PGAP6: variants seen among roughly 807,000 people sequenced by gnomAD.
PGAP6 encodes post-GPI attachment to proteins 6.
In PGAP6, 62 loss-of-function variants were observed where a neutral mutation model predicts 68.4. The ratio of observed to expected loss-of-function variants is 0.91; its 90% CI spans 0.74 to 1.12. The LOEUF is 1.12. Ranked by LOEUF, PGAP6 falls within the 50% of genes most tolerant of loss-of-function variation. The pLI is 0.00. For missense variants in PGAP6, 1,188 were observed against 1,068.5 expected (o/e 1.11, Z -1.56); for synonymous variants, 575 against 474.0 (o/e 1.21, Z -2.77).
Position 381,867 on chromosome 16 carries a change from C to G in PGAP6, c.-46G>C. 1.0e-6 allele frequency: 1 copy of G among 979,536 alleles called. No homozygotes were observed. Among genetic ancestry groups the G allele is most frequent in the African/African-American group, 1.8e-5 (1 of 56,696 alleles). The allele number at this position is 979,536 out of a possible 1,614,324, so 60.7% of individuals were successfully genotyped here. A position where few individuals can be genotyped will look rare whatever the true frequency, so the allele number is the denominator to read the frequency against. On this transcript the variant is annotated 5_prime_UTR_variant, in exon 1 of 13. Coordinates refer to ENST00000431232, the MANE Select transcript of PGAP6 (RefSeq NM_021259.3). Reference sequence around the variant, plus strand: ...GCTACCCGGCCCGCGTCCCGCGCCGCCGGCCCCCGCCGCCGCCCGGGCAGC... The same window carrying G: ...GCTACCCGGCCCGCGTCCCGCGCCGGCGGCCCCCGCCGCCGCCCGGGCAGC...
At position 371,374 on chromosome 16, in the gene PGAP6, G is replaced by C. The variant is rs530016242; in HGVS notation, c.*613C>G. Reference sequence around the variant, plus strand: ...AAGGAAGCTCTTCTCAGGGACCCAAGGCTCCAGAGCCAGGAAAAAGGGAGG... The same window carrying C: ...AAGGAAGCTCTTCTCAGGGACCCAACGCTCCAGAGCCAGGAAAAAGGGAGG... On this transcript the variant is annotated 3_prime_UTR_variant, in exon 13 of 13. Coordinates refer to ENST00000431232, the MANE Select transcript of PGAP6 (RefSeq NM_021259.3). 1.3e-5 allele frequency: 2 copies of C among 153,218 alleles called. No homozygotes were observed. The highest frequency in any genetic ancestry group is 2.0e-4 in the South Asian group (1 of 4,896). The allele number at this position is 153,218 out of a possible 1,614,324, so 9.5% of individuals were successfully genotyped here.
chr16:377,480 G>T lies in PGAP6; in HGVS notation c.405C>A (p.Thr135=). ...PSFQVGVPLS[T]TPRSNASVNV... Reference sequence around the variant, plus strand: ...TGACGGAGGCATTGCTTCTCGGTGTGGTGCTCAGCGGCACCCCGACCTGGA... The same window carrying T: ...TGACGGAGGCATTGCTTCTCGGTGTTGTGCTCAGCGGCACCCCGACCTGGA... Residue 135 remains threonine (T), a synonymous_variant, in exon 3 of 13, where the codon ACC becomes ACA. Transcript: ENST00000431232. 1 of 1,608,538 alleles carries T rather than the reference G, an allele frequency of 6.2e-7. No homozygotes were observed. The highest frequency in any genetic ancestry group is 8.5e-7 in the Non-Finnish European group (1 of 1,178,180).
At position 372,744 on chromosome 16, in the gene PGAP6, G is replaced by C. The variant is rs371568475; in HGVS notation, c.1903-17C>G. 2.5e-6 allele frequency: 4 copies of C among 1,582,926 alleles called. No individual in the cohort carries two copies. In the East Asian group the frequency reaches 6.7e-5, roughly 27 times the overall value. On this transcript the variant is annotated splice_polypyrimidine_tract_variant and intron_variant, in intron 11 of 12. Transcript: ENST00000431232. ...AAACAGCACCTGCGCAAGACACAGG[G>C]ATGACTGCAGGGACGTCTCTGAGGG...
In PGAP6 at chr16:374,215, G is replaced by C. The variant is rs2054359227; in HGVS notation, c.1755+6C>G. The C allele has an allele frequency of 6.2e-7, 1 of 1,610,086 alleles. No homozygotes were observed. Among genetic ancestry groups the C allele is most frequent in the Non-Finnish European group, 8.5e-7 (1 of 1,179,630 alleles). On this transcript the variant is annotated splice_donor_region_variant and intron_variant, in intron 10 of 12. Transcript: ENST00000431232. Reference sequence around the variant, plus strand: ...CCCCACATCCCTGCAGGAGGGGCCAGCCTACCGTGGAGAAGAACATGGTGT... The same window carrying C: ...CCCCACATCCCTGCAGGAGGGGCCACCCTACCGTGGAGAAGAACATGGTGT...
At chr16:380,154 C>T (rs1270946095) in intron 1 of PGAP6, among the ~76,000 whole-genome samples, 1 of 152,184 alleles carries the variant, frequency 6.6e-6, no homozygotes, top group African/African-American at 2.4e-5. Context: ...GTTCCATCTC[C>T]CAGGAACCCC....
At chr16:374,729 C>G (rs375071021) in intron 9 of PGAP6, 27 bp downstream of exon 9, 1 of 1,611,080 alleles carries the variant, frequency 6.2e-7, no homozygotes, top group East Asian at 2.2e-5. Context: ...AGCAGCGTCT[C>G]GGGGCGGGCG....
chr16:381,872 C>G lies in PGAP6; in HGVS notation c.-51G>C, dbSNP rs2054442538. 1.0e-6 allele frequency: 1 copy of G among 976,870 alleles called. No homozygotes were observed. Among genetic ancestry groups the G allele is most frequent in the African/African-American group, 1.8e-5 (1 of 56,498 alleles). 60.5% of individuals were successfully genotyped at this position (976,870 alleles called of 1,614,324 possible). A position where few individuals can be genotyped will look rare whatever the true frequency, so the allele number is the denominator to read the frequency against. ...CCGGCCCGCGTCCCGCGCCGCCGGCCCCCGCCGCCGCCCGGGCAGCCTCTG... is the reference window on the plus strand; with the variant it reads ...CCGGCCCGCGTCCCGCGCCGCCGGCGCCCGCCGCCGCCCGGGCAGCCTCTG... On this transcript the variant is annotated 5_prime_UTR_variant, in exon 1 of 13. Transcript: ENST00000431232.
chr16:373,727 C>T (rs558528312), intron 11 of PGAP6, among the ~76,000 whole-genome samples: 150 of 152,334 alleles, frequency 9.8e-4, no homozygotes, highest in African/African-American at 3.5e-3. Flanking sequence ...TTTTGTACAG[C>T]CCAGGCTGCT....
At chr16:383,532 G>A (rs973768458), upstream of PGAP6, 1 of 149,642 alleles carries the variant, frequency 6.7e-6, no homozygotes, top group Non-Finnish European at 1.5e-5. Context: ...ATTCATACGG[G>A]GTCTAAACGA....
Position 374,882 on chromosome 16 carries a change from G to A in PGAP6, c.1450C>T (p.Gln484Ter), listed in dbSNP as rs2054367411. ...MCPENAEDCE[Q>*]AVVHVETTLY... ...GTGGTCTCCACGTGGACCACAGCCT[G>A]CTCACAGTCCCTTTGAGGAAGGGGC... Residue 484 changes from glutamine to a stop codon, truncating the protein, a stop_gained, in exon 9 of 13, where the codon CAG becomes TAG. Transcript: ENST00000431232. LOFTEE classifies it high-confidence loss of function. 6.2e-7 allele frequency: 1 copy of A among 1,612,748 alleles called. No individual in the cohort carries two copies. The highest frequency in any genetic ancestry group is 8.5e-7 in the Non-Finnish European group (1 of 1,179,956).
chr16:379,381 C>A (rs568778505), intron 1 of PGAP6, among the ~76,000 whole-genome samples: 1 of 152,242 alleles, frequency 6.6e-6, no homozygotes, highest in Admixed American at 6.5e-5. Flanking sequence ...GGGAACCTGG[C>A]GTGGCGACTG....
At position 376,640 on chromosome 16, in the gene PGAP6, G is replaced by A. The variant is rs748569090; in HGVS notation, c.808C>T (p.Pro270Ser). The A allele has an allele frequency of 6.8e-6, 11 of 1,606,676 alleles. No individual in the cohort carries two copies. The highest frequency in any genetic ancestry group is 8.5e-6 in the Non-Finnish European group (10 of 1,176,952). Residue 270 changes from proline to serine, a missense_variant, in exon 5 of 13, where the codon CCC (proline) becomes TCC (serine). Transcript: ENST00000431232. Reference sequence around the variant, plus strand: ...AGCCACCGGTCCCAGGGCGGTGAGGGCAGCAGCAGGCGGCAGGGCCAGGGG... The same window carrying A: ...AGCCACCGGTCCCAGGGCGGTGAGGACAGCAGCAGGCGGCAGGGCCAGGGG... ...GAPWPCRLLLPSPPWDRWLQV... is the reference protein window; with the variant it reads ...GAPWPCRLLLSSPPWDRWLQV...
rs919087989 is a variant in PGAP6, at chr16:374,317, G to A, written c.1659C>T (p.Leu553=). 8.7e-6 allele frequency: 14 copies of A among 1,605,436 alleles called. No homozygotes were observed. The highest frequency in any genetic ancestry group is 5.3e-5 in the African/African-American group (4 of 74,908). Residue 553 remains leucine (L), a synonymous_variant, in exon 10 of 13, where the codon CTC becomes CTT. Coordinates refer to ENST00000431232, the MANE Select transcript of PGAP6 (RefSeq NM_021259.3). ...QQRAATLLLT[L]SNLMFLAPIA... Reference sequence around the variant, plus strand: ...TGGGGGCCAGGAACATGAGGTTGCTGAGCGTGAGCAGCAGTGTGGCCGCCC... The same window carrying A: ...TGGGGGCCAGGAACATGAGGTTGCTAAGCGTGAGCAGCAGTGTGGCCGCCC...
chr16:385,376 G>A (rs1368255679), upstream of PGAP6, among the ~76,000 whole-genome samples: 3 of 139,216 alleles, frequency 2.2e-5, no homozygotes, highest in African/African-American at 8.3e-5. Context: ...GCAGTGATGC[G>A]ATCTCGGCTC....
rs76670391 is a variant in PGAP6 at position 376,296 on chromosome 16, G to C, written c.1064C>G (p.Pro355Arg). The C allele has an allele frequency of 2.5e-6, 4 of 1,612,498 alleles. No individual in the cohort carries two copies. In the East Asian group the frequency reaches 8.9e-5, roughly 36 times the overall value. Residue 355 changes from proline (P) to arginine (R), a missense_variant, in exon 6 of 13, where the codon CCA (proline) becomes CGA (arginine). By Grantham distance (103) the Pro-to-Arg change is moderately radical. Transcript: ENST00000431232. Reference protein sequence around the residue: ...DRSPFCLTNYPVTREDMDVVS... With the variant: ...DRSPFCLTNYRVTREDMDVVS... ...CACGTCCATGTCCTCCCGCGTGACTGGGTAGTTTGTGAGGCAGAAGGGGCT... is the reference window on the plus strand; with the variant it reads ...CACGTCCATGTCCTCCCGCGTGACTCGGTAGTTTGTGAGGCAGAAGGGGCT...
upstream of PGAP6, chr16:382,136 C>A (rs1344434450): frequency 2.7e-6 from 1 of 366,828 alleles, no homozygotes; most frequent in African/African-American, 2.2e-5. Context: ...GACCGGGGCG[C>A]GCGCGGTCCG....
chr16:385,749 C>T (rs1016652968), upstream of PGAP6, among the ~76,000 whole-genome samples: 6 of 151,102 alleles, frequency 4.0e-5, no homozygotes, highest in Admixed American at 2.0e-4. Context: ...CTCAGCCTCC[C>T]GAGTAGCTGG....
At chr16:386,937 G>T (rs1207065131), upstream of PGAP6, 1 of 584,242 alleles carries the variant, frequency 1.7e-6, no homozygotes, top group South Asian at 1.4e-5. Context: ...GAGGCGGCCT[G>T]AATATCCTTG....
In PGAP6 at chr16:376,089, C is replaced by T. The variant is rs371472226; in HGVS notation, c.1224+47G>A. 7.2e-5 allele frequency: 111 copies of T among 1,534,500 alleles called. No individual in the cohort carries two copies. In the Admixed American group the frequency reaches 1.6e-3, roughly 21 times the overall value. ...AGGAGGCGCTGCAGGGGTTGCCCGG[C>T]GCCCTGCCCGAGCCCAGGCCACAGG... On this transcript the variant is annotated intron_variant, in intron 6 of 12. Coordinates refer to ENST00000431232, the MANE Select transcript of PGAP6 (RefSeq NM_021259.3).
Sources: gnomAD v4.1 joint callset for allele counts (sites outside exome capture counted in the v4.1 genomes callset) on GRCh38, gnomAD v4.1.1 for gene constraint, MANE v1.5 for transcripts, NCBI Gene and HGNC (gene_info 2026-07-23, HGNC 2026-07-21) for gene names.